The following STRADB variants were observed in gnomAD, a reference collection of about 807,000 sequenced individuals.
STRADB encodes the protein STE20 related adaptor beta.
Under a neutral mutation model 52.1 loss-of-function variants are expected in STRADB, and 34 were observed. The observed-to-expected ratio is 0.65, with a 90% CI of 0.50 to 0.87. The LOEUF is 0.87. STRADB is among the 40% of genes least tolerant of loss of function. STRADB has a pLI of 0.00. For synonymous variants in STRADB, 133 were observed against 174.5 expected (o/e 0.76, Z 1.87); for missense variants, 340 against 483.9 (o/e 0.70, Z 2.79).
chr2:201,463,901 T>C (rs979093778), intron 3 of STRADB, among the ~76,000 whole-genome samples: 2 of 152,160 alleles, frequency 1.3e-5, no homozygotes, highest in African/African-American at 4.8e-5. Context: ...AGTATGTCAG[T>C]TGAATTAGAA....
chr2:201,469,403 T>C (rs1430584849), intron 3 of STRADB, among the ~76,000 whole-genome samples: 1 of 152,242 alleles, frequency 6.6e-6, no homozygotes, highest in East Asian at 1.9e-4. Context: ...CTATCAGTAC[T>C]TGGTCATTCA....
intron 7 of STRADB, among the ~76,000 whole-genome samples, chr2:201,476,270 G>A (rs1952469963): frequency 1.3e-5 from 2 of 151,880 alleles, no homozygotes; most frequent in South Asian, 4.2e-4. Context: ...GATATACTGT[G>A]ACTTTGTCTT....
chr2:201,472,101 A>C (rs758409754), intron 4 of STRADB, among the ~76,000 whole-genome samples: 1 of 152,236 alleles, frequency 6.6e-6, no homozygotes, highest in Non-Finnish European at 1.5e-5. Flanking sequence ...AAAGCTGATG[A>C]TATCAAATGC....
At chr2:201,452,993 C>T (rs907633409) in intron 1 of STRADB, among the ~76,000 whole-genome samples, 2 of 151,988 alleles carry the variant, frequency 1.3e-5, no homozygotes, top group Non-Finnish European at 2.9e-5. Flanking sequence ...ATTCATATCT[C>T]GTGAAAGAGC....
intron 4 of STRADB, 190 bp from the exon 5 acceptor site, chr2:201,472,765 G>A: frequency 2.2e-6 from 1 of 459,182 alleles, no homozygotes; most frequent in Non-Finnish European, 3.8e-6. Flanking sequence ...TGGATTGCCT[G>A]TTTAATCCTC....
At chr2:201,470,815 G>C (rs1034745879) in intron 4 of STRADB, among the ~76,000 whole-genome samples, 20 of 152,186 alleles carry the variant, frequency 1.3e-4, no homozygotes, top group African/African-American at 4.6e-4. Flanking sequence ...CTAGTCATAG[G>C]TTTTGTTATA....
At position 201,474,580 on chromosome 2, in the gene STRADB, C is replaced by T. The variant is rs553802001; in HGVS notation, c.316-67C>T. The stretch of plus-strand genomic sequence containing the variant: ...ACCCTTGAGTATTAGCTGCCACGAC[C>T]GCCATTTTCATCATAAGGAAAAAAC... On this transcript the variant is annotated intron_variant, in intron 5 of 11. Coordinates refer to ENST00000194530, the MANE Select transcript of STRADB (RefSeq NM_018571.6). The T allele has an allele frequency of 6.9e-5, 96 of 1,384,558 alleles. No homozygotes were observed. The Admixed American group carries it at 1.2e-3, about 17-fold the overall frequency. 85.8% of individuals were successfully genotyped at this position (1,384,558 alleles called of 1,614,324 possible). A position where few individuals can be genotyped will look rare whatever the true frequency, so the allele number is the denominator to read the frequency against.
At chr2:201,474,818 G>A (rs1952447001) in intron 6 of STRADB, 63 bp downstream of exon 6, 1 of 1,254,068 alleles carries the variant, frequency 8.0e-7, no homozygotes, top group East Asian at 2.5e-5. Context: ...TAGATGAGTT[G>A]GGATTTTAGA....
Position 201,480,683 on chromosome 2 carries a change from AC to A in STRADB, c.*509del. 1 of 986,496 alleles carries A rather than the reference AC, an allele frequency of 1.0e-6. No individual in the cohort carries two copies. Among genetic ancestry groups the A allele is most frequent in the South Asian group, 4.7e-5 (1 of 21,336 alleles). 61.1% of individuals were successfully genotyped at this position (986,496 alleles called of 1,614,324 possible). On this transcript the variant is annotated 3_prime_UTR_variant, in exon 12 of 12. Coordinates refer to ENST00000194530, the MANE Select transcript of STRADB (RefSeq NM_018571.6). ...CTGTTAATACTTATGGTAACACCTAACTGAGCCTCACTCACATTAAATGATT... is the reference window on the plus strand; with the variant it reads ...CTGTTAATACTTATGGTAACACCTAATGAGCCTCACTCACATTAAATGATT...
chr2:201,456,469 A>C (rs1031396002), intron 2 of STRADB, among the ~76,000 whole-genome samples: 2 of 152,256 alleles, frequency 1.3e-5, no homozygotes, highest in African/African-American at 4.8e-5. Flanking sequence ...TTTGTGAAAA[A>C]TAATAGAATG....
intron 3 of STRADB, 29 bp downstream of exon 3, chr2:201,458,893 G>T: frequency 6.3e-7 from 1 of 1,590,474 alleles, no homozygotes; most frequent in South Asian, 1.1e-5. Flanking sequence ...TGGATGCAGT[G>T]GTTCACACCT....
intron 7 of STRADB, among the ~76,000 whole-genome samples, chr2:201,477,141 T>A (rs1952490696): frequency 8.3e-6 from 1 of 120,352 alleles, no homozygotes. Flanking sequence ...CTTGGCTCAC[T>A]GCAAGCTCCA....
chr2:201,480,393 C>G lies in STRADB; in HGVS notation c.*218C>G, dbSNP rs1429812653. 1 of 1,331,250 alleles carries G rather than the reference C, an allele frequency of 7.5e-7. No homozygotes were observed. The highest frequency in any genetic ancestry group is 9.6e-7 in the Non-Finnish European group (1 of 1,043,682). 82.5% of individuals were successfully genotyped at this position (1,331,250 alleles called of 1,614,324 possible). On this transcript the variant is annotated 3_prime_UTR_variant, in exon 12 of 12. Transcript: ENST00000194530. ...ACAAGGAAACATCAGAATTACTAAT[C>G]TAGCTAGTGTCATTTATTCTGGAAT...
intron 7 of STRADB, among the ~76,000 whole-genome samples, chr2:201,477,268 G>A (rs919950758): frequency 6.6e-6 from 1 of 151,754 alleles, no homozygotes; most frequent in African/African-American, 2.4e-5. Flanking sequence ...GTTTCACCAT[G>A]TTATCCAGGA....
In STRADB at chr2:201,479,969, T is replaced by C. The variant is rs570656747; in HGVS notation, c.1114-63T>C. The stretch of plus-strand genomic sequence containing the variant: ...CATAAATTCTTTAAAAGTTATTTAT[T>C]GCTAACAAAACTGATATATTGAAAT... On this transcript the variant is annotated intron_variant, in intron 11 of 11. Coordinates refer to ENST00000194530, the MANE Select transcript of STRADB (RefSeq NM_018571.6). 8 of 1,578,120 alleles carry C rather than the reference T, an allele frequency of 5.1e-6. No individual in the cohort carries two copies. In the African/African-American group the frequency reaches 9.4e-5, roughly 19 times the overall value.
rs1178170999 is a variant in STRADB at position 201,480,031 on chromosome 2, G to A, written c.1114-1G>A. On this transcript the variant is annotated splice_acceptor_variant, in intron 11 of 11. Coordinates refer to ENST00000194530, the MANE Select transcript of STRADB (RefSeq NM_018571.6). LOFTEE classifies it high-confidence loss of function. ...AGCCTTATTTTGAGTTTCTTTAACA[G>A]ATGAAAGAAGAAAGCCAGGATTCAA... The A allele has an allele frequency of 8.7e-6, 14 of 1,613,810 alleles. No homozygotes were observed. The highest frequency in any genetic ancestry group is 1.1e-5 in the Non-Finnish European group (13 of 1,179,782).
intron 3 of STRADB, among the ~76,000 whole-genome samples, chr2:201,466,011 G>A (rs1045074876): frequency 1.3e-5 from 2 of 152,184 alleles, no homozygotes; most frequent in Admixed American, 6.5e-5. Flanking sequence ...TTCAGTGATA[G>A]GAAGTTAAAA....
rs1952412054 is a variant in STRADB at position 201,472,855 on chromosome 2, G to C, written c.194-100G>C. The C allele has an allele frequency of 4.1e-6, 5 of 1,207,340 alleles. No individual in the cohort carries two copies. The African/African-American group carries it at 4.6e-5, about 11-fold the overall frequency. 74.8% of individuals were successfully genotyped at this position (1,207,340 alleles called of 1,614,324 possible). A position where few individuals can be genotyped will look rare whatever the true frequency, so the allele number is the denominator to read the frequency against. ...AGTGTGCCTTTTCATTTTCTTAACA[G>C]TACTTTTTGAAGAGTAAGACTTTTC... On this transcript the variant is annotated intron_variant, in intron 4 of 11. Coordinates refer to ENST00000194530, the MANE Select transcript of STRADB (RefSeq NM_018571.6).
At chr2:201,463,696 C>CT (rs1458756589) in intron 3 of STRADB, among the ~76,000 whole-genome samples, 3 of 152,170 alleles carry the variant, frequency 2.0e-5, no homozygotes, top group African/African-American at 7.2e-5. Context: ...ATTTCTTTCT[C>CT]TACCTCCTCT....
Sources: allele counts gnomAD v4.1 joint callset (sites outside exome capture counted in the v4.1 genomes callset), GRCh38; gene constraint gnomAD v4.1.1; transcripts MANE v1.5; gene names NCBI Gene and HGNC (gene_info 2026-07-23, HGNC 2026-07-21).